Variants in SEMA4D observed in about 807,000 individuals in gnomAD.
The protein encoded by SEMA4D is semaphorin 4D.
SEMA4D carries 22 observed loss-of-function variants against 74.8 expected under a neutral mutation model. The observed-to-expected ratio is 0.29, with a 90% CI of 0.21 to 0.42. The LOEUF (loss-of-function observed/expected upper bound fraction) is 0.42, where lower values mean the gene tolerates loss of function less well. SEMA4D is among the 10% of genes least tolerant of loss of function. The pLI, the probability that SEMA4D is intolerant of heterozygous loss-of-function variation, is 1.00. For synonymous variants in SEMA4D, 445 were observed against 463.7 expected (o/e 0.96, Z 0.52); for missense variants, 937 against 1,118.4 (o/e 0.84, Z 2.31).
intron 16 of SEMA4D, chr9:89,368,815 T>G (rs1052162919): frequency 2.6e-5 from 4 of 152,270 alleles, no homozygotes; most frequent in African/African-American, 9.7e-5. Flanking sequence ...CTTATCAATG[T>G]GGGCAGGAAT....
intron 13 of SEMA4D, chr9:89,385,817 C>T (rs936249162): frequency 1.1e-5 from 9 of 798,248 alleles, no homozygotes; most frequent in Admixed American, 6.2e-5. Flanking sequence ...TTGGAGGTCC[C>T]GTTAGGAGCC....
At chr9:89,369,412 A>T (rs1428065261) in intron 16 of SEMA4D, 2 of 152,266 alleles carry the variant, frequency 1.3e-5, no homozygotes, top group African/African-American at 4.8e-5. Context: ...AACCATTATT[A>T]GCTTTGAAAA....
intron 1 of SEMA4D, among the ~76,000 whole-genome samples, chr9:89,465,268 A>G (rs1858386353): frequency 6.6e-6 from 1 of 152,238 alleles, no homozygotes; most frequent in East Asian, 1.9e-4. Context: ...CTAAGTCCCC[A>G]GGAAACCAGC....
At chr9:89,364,086 C>G in intron 16 of SEMA4D, 2 of 1,555,060 alleles carry the variant, frequency 1.3e-6, no homozygotes, top group Non-Finnish European at 1.7e-6. Flanking sequence ...AATTCAGTCC[C>G]TGGGACTGCC....
At position 89,405,590 on chromosome 9, in the gene SEMA4D, C is replaced by T. The variant is rs1409631212; in HGVS notation, c.-134G>A. 15 of 1,462,618 alleles carry T rather than the reference C, an allele frequency of 1.0e-5. No individual in the cohort carries two copies. The highest frequency in any genetic ancestry group is 7.4e-5 in the East Asian group (3 of 40,274). The allele number at this position is 1,462,618 out of a possible 1,614,324, so 90.6% of individuals were successfully genotyped here. ...AGCACAGCCTGGAGCTCGTGAACAGCGCGGTCCCTGAGAATCCACATTTCC... is the reference window on the plus strand; with the variant it reads ...AGCACAGCCTGGAGCTCGTGAACAGTGCGGTCCCTGAGAATCCACATTTCC... On this transcript the variant is annotated 5_prime_UTR_variant, in exon 3 of 16. Transcript: ENST00000422704.
intron 1 of SEMA4D, among the ~76,000 whole-genome samples, chr9:89,476,084 G>A (rs1168433528): frequency 6.6e-6 from 1 of 152,200 alleles, no homozygotes; most frequent in Non-Finnish European, 1.5e-5. Context: ...GCTTGCACAA[G>A]GCCCCGGACC....
chr9:89,395,965 T>C (rs949678252), intron 6 of SEMA4D, among the ~76,000 whole-genome samples: 6 of 152,242 alleles, frequency 3.9e-5, no homozygotes, highest in African/African-American at 1.4e-4. Flanking sequence ...TCATTTTCCA[T>C]GTTCACATGG....
At chr9:89,462,143 C>T (rs555056789) in intron 1 of SEMA4D, among the ~76,000 whole-genome samples, 16 of 152,284 alleles carry the variant, frequency 1.1e-4, no homozygotes, top group African/African-American at 3.6e-4. Flanking sequence ...AACTGAAGCA[C>T]GTGAAGCTAA....
chr9:89,486,041 CAT>C (rs1825180898), intron 1 of SEMA4D, among the ~76,000 whole-genome samples: 1 of 152,162 alleles, frequency 6.6e-6, no homozygotes, highest in Non-Finnish European at 1.5e-5. Context: ...TAGAGTTTGG[CAT>C]ATCATTTATA....
At chr9:89,471,931 T>C (rs1371232355) in intron 1 of SEMA4D, among the ~76,000 whole-genome samples, 1 of 150,598 alleles carries the variant, frequency 6.6e-6, no homozygotes, top group Non-Finnish European at 1.5e-5. Context: ...CTGAGGTGCA[T>C]GCCAGCTCAG....
Position 89,394,022 on chromosome 9 carries a change from G to C in SEMA4D, c.415-367C>G, listed in dbSNP as rs139704586. ...GTATGTAATCGGAAGCCCATGAGCAGAATTTTAACATCAATAAAGACGGCA... is the reference window on the plus strand; with the variant it reads ...GTATGTAATCGGAAGCCCATGAGCACAATTTTAACATCAATAAAGACGGCA... On this transcript the variant is annotated intron_variant, in intron 6 of 15. Transcript: ENST00000422704. 5.4e-3 allele frequency among the ~76,000 whole-genome samples: 830 copies of C among 152,336 alleles called. 6 individuals carry two copies. Among genetic ancestry groups the C allele is most frequent in the African/African-American group, 0.019 (792 of 41,568 alleles).
At chr9:89,439,688 G>A (rs1851267690) in intron 2 of SEMA4D, among the ~76,000 whole-genome samples, 1 of 152,192 alleles carries the variant, frequency 6.6e-6, no homozygotes, top group Non-Finnish European at 1.5e-5. Flanking sequence ...CGGCTGACTG[G>A]TCTAAAGATC....
chr9:89,370,240 T>C (rs1486734647), intron 16 of SEMA4D, among the ~76,000 whole-genome samples: 1 of 151,518 alleles, frequency 6.6e-6, no homozygotes, highest in Non-Finnish European at 1.5e-5. Flanking sequence ...GTGCATTTAT[T>C]GTGTGCATGC....
chr9:89,468,825 G>C (rs1420694717), intron 1 of SEMA4D, among the ~76,000 whole-genome samples: 1 of 152,098 alleles, frequency 6.6e-6, no homozygotes, highest in East Asian at 1.9e-4. Flanking sequence ...AGTCCTGCAG[G>C]TCACTGGGGT....
At chr9:89,435,171 C>G (rs1850130526) in intron 2 of SEMA4D, among the ~76,000 whole-genome samples, 1 of 152,056 alleles carries the variant, frequency 6.6e-6, no homozygotes, top group Admixed American at 6.6e-5. Flanking sequence ...GAAATCCCCA[C>G]TAAGAGAGTC....
At chr9:89,395,774 C>T (rs1338045385) in intron 6 of SEMA4D, among the ~76,000 whole-genome samples, 1 of 152,176 alleles carries the variant, frequency 6.6e-6, no homozygotes, top group Admixed American at 6.5e-5. Context: ...AAATACCAGG[C>T]TTCCTCATCA....
intron 1 of SEMA4D, among the ~76,000 whole-genome samples, chr9:89,482,365 G>A (rs1461371438): frequency 2.0e-5 from 3 of 152,170 alleles, no homozygotes; most frequent in African/African-American, 7.2e-5. Context: ...GAGTCACAAC[G>A]CAAAGAACAG....
chr9:89,432,621 C>T lies in SEMA4D; in HGVS notation c.-244+23267G>A, dbSNP rs191622633. 9.7e-4 allele frequency among the ~76,000 whole-genome samples: 147 copies of T among 152,256 alleles called. 1 individual carries two copies. The highest frequency in any genetic ancestry group is 1.6e-3 in the Non-Finnish European group (111 of 68,030). ...TGCTGCAGGCAAATGATACTTAATA[C>T]CCATATGAAAATGAGGTTAAAAAGC... is the stretch of plus-strand genomic sequence containing the variant. On this transcript the variant is annotated intron_variant, in intron 2 of 15. Transcript: ENST00000422704.
At chr9:89,371,002 CGGGGTGT>C (rs1184095452) in intron 16 of SEMA4D, among the ~76,000 whole-genome samples, 2 of 18,828 alleles carry the variant, frequency 1.1e-4, no homozygotes, top group East Asian at 3.6e-3. Context: ...AGGGGTATGT[CGGGGTGT>C]GGGGTGTGTG....
Sources: gnomAD v4.1 joint callset for allele counts (sites outside exome capture counted in the v4.1 genomes callset) on GRCh38, gnomAD v4.1.1 for gene constraint, MANE v1.5 for transcripts, NCBI Gene and HGNC (gene_info 2026-07-23, HGNC 2026-07-21) for gene names.